The following NFIA variants were observed in gnomAD, a reference collection of about 807,000 sequenced individuals.
The protein encoded by NFIA is nuclear factor 1 A-type.
Under a neutral mutation model 62.8 loss-of-function variants are expected in NFIA, and 8 were observed. That is an observed-to-expected ratio of 0.13 (90% CI 0.07 to 0.23). NFIA has a LOEUF of 0.23. Ranked by LOEUF, NFIA falls within the 10% of genes least tolerant of loss-of-function variation. NFIA has a pLI of 1.00. For missense variants in NFIA, 410 were observed against 642.1 expected (o/e 0.64, Z 3.91); for synonymous variants, 235 against 238.1 (o/e 0.99, Z 0.12).
intron 2 of NFIA, among the ~76,000 whole-genome samples, chr1:61,201,948 T>TAA (rs370818020): frequency 2.0e-5 from 3 of 148,500 alleles, no homozygotes; most frequent in Admixed American, 6.7e-5. Flanking sequence ...AAGAAAATCT[T>TAA]AAAAAAAAAA....
intron 2 of NFIA, among the ~76,000 whole-genome samples, chr1:61,123,662 T>G (rs1646923935): frequency 6.6e-6 from 1 of 150,450 alleles, no homozygotes; most frequent in African/African-American, 2.4e-5. Flanking sequence ...AAAATAAAAT[T>G]AAATCTTTAT....
In NFIA at chr1:61,267,690, A is replaced by G. The variant is rs565478177; in HGVS notation, c.560-9830A>G. Among the ~76,000 whole-genome samples the G allele has an allele frequency of 2.1e-3, 321 of 152,320 alleles. 1 individual carries two copies. The highest frequency in any genetic ancestry group is 3.2e-3 in the Non-Finnish European group (217 of 68,026). On this transcript the variant is annotated intron_variant, in intron 2 of 10. Coordinates refer to ENST00000403491, the MANE Select transcript of NFIA (RefSeq NM_001134673.4). ...GGCTGCTGTAAATTGTTCCAAGGGT[A>G]CATTTAGTGGTATTGATTGCTGCTA... is the stretch of plus-strand genomic sequence containing the variant.
At chr1:61,403,993 C>A in intron 7 of NFIA, 111 bp from the exon 8 acceptor site, 1 of 1,238,764 alleles carries the variant, frequency 8.1e-7, no homozygotes, top group Non-Finnish European at 1.1e-6. Flanking sequence ...GTCACATGAG[C>A]AATATTGTGA....
At chr1:61,212,935 C>T (rs1043294336) in intron 2 of NFIA, among the ~76,000 whole-genome samples, 2 of 152,226 alleles carry the variant, frequency 1.3e-5, no homozygotes, top group African/African-American at 4.8e-5. Context: ...GTTGCCTTCA[C>T]ACTGTGGCCT....
At chr1:61,220,855 AGT>A (rs745677223) in intron 2 of NFIA, among the ~76,000 whole-genome samples, 4 of 152,220 alleles carry the variant, frequency 2.6e-5, no homozygotes, top group Non-Finnish European at 4.4e-5. Flanking sequence ...AGGTTTAAAA[AGT>A]GTTTTTATTT....
chr1:61,244,048 A>G (rs1404579092), intron 2 of NFIA, among the ~76,000 whole-genome samples: 1 of 152,186 alleles, frequency 6.6e-6, no homozygotes, highest in Non-Finnish European at 1.5e-5. Flanking sequence ...ACGTGTAATT[A>G]GTACATGGGG....
intron 2 of NFIA, among the ~76,000 whole-genome samples, chr1:61,261,217 G>A (rs1656753654): frequency 6.6e-6 from 1 of 152,070 alleles, no homozygotes; most frequent in East Asian, 1.9e-4. Context: ...CATTTTGAGG[G>A]GTTGTTAAGC....
At chr1:61,133,624 G>T (rs1446659357) in intron 2 of NFIA, among the ~76,000 whole-genome samples, 2 of 152,142 alleles carry the variant, frequency 1.3e-5, no homozygotes, top group African/African-American at 4.8e-5. Context: ...CTTGGAGTCT[G>T]GTTCCATCAC....
intron 2 of NFIA, among the ~76,000 whole-genome samples, chr1:61,182,988 A>G (rs1407387164): frequency 6.6e-6 from 1 of 152,216 alleles, no homozygotes; most frequent in African/African-American, 2.4e-5. Context: ...ATTTTTTTCA[A>G]GACCTGTTTT....
chr1:61,347,011 C>G (rs1662264063), intron 4 of NFIA, among the ~76,000 whole-genome samples: 2 of 152,068 alleles, frequency 1.3e-5, no homozygotes, highest in South Asian at 2.1e-4. Context: ...ATTCAGTTAT[C>G]TCCACCTGGT....
chr1:61,288,619 C>A (rs1431508942), intron 3 of NFIA, among the ~76,000 whole-genome samples: 2 of 152,098 alleles, frequency 1.3e-5, no homozygotes. Context: ...TAGTTTGGGT[C>A]CTCCAAGAAT....
intron 2 of NFIA, among the ~76,000 whole-genome samples, chr1:61,130,135 GAATGACTTACTCAGC>G (rs1395174822): frequency 6.6e-6 from 1 of 152,102 alleles, no homozygotes; most frequent in Non-Finnish European, 1.5e-5. Flanking sequence ...TATGCTTCCA[GAATGACTTACTCAGC>G]AATCACTTCT....
intron 2 of NFIA, among the ~76,000 whole-genome samples, chr1:61,212,842 C>T (rs905702490): frequency 2.0e-5 from 3 of 152,144 alleles, no homozygotes; most frequent in African/African-American, 7.2e-5. Context: ...TGTGGATAAT[C>T]GAAAGTAGAC....
chr1:61,325,410 T>C (rs941829607), intron 3 of NFIA, among the ~76,000 whole-genome samples: 20 of 152,218 alleles, frequency 1.3e-4, no homozygotes, highest in Non-Finnish European at 2.9e-5. Flanking sequence ...CAATATCACT[T>C]TTTCCATCAT....
intron 7 of NFIA, among the ~76,000 whole-genome samples, chr1:61,390,351 G>T (rs1341399332): frequency 6.6e-6 from 1 of 152,058 alleles, no homozygotes; most frequent in Non-Finnish European, 1.5e-5. Flanking sequence ...AATACACGAT[G>T]GGAGTTTAGA....
chr1:61,359,494 G>A (rs754546166), intron 6 of NFIA, among the ~76,000 whole-genome samples: 1 of 152,204 alleles, frequency 6.6e-6, no homozygotes, highest in Non-Finnish European at 1.5e-5. Flanking sequence ...GTGAGATGGT[G>A]TATGATTTTC....
chr1:61,183,616 C>T (rs977890264), intron 2 of NFIA, among the ~76,000 whole-genome samples: 3 of 152,198 alleles, frequency 2.0e-5, no homozygotes, highest in Non-Finnish European at 4.4e-5. Context: ...GCTCCTTTGG[C>T]CCCCACTGCA....
chr1:61,165,412 C>T (rs947103572), intron 2 of NFIA, among the ~76,000 whole-genome samples: 3 of 152,156 alleles, frequency 2.0e-5, no homozygotes, highest in Non-Finnish European at 4.4e-5. Context: ...AAAGTATATT[C>T]TATATGCATG....
chr1:61,137,968 T>C (rs1391269829), intron 2 of NFIA, among the ~76,000 whole-genome samples: 2 of 151,384 alleles, frequency 1.3e-5, no homozygotes, highest in Non-Finnish European at 2.9e-5. Flanking sequence ...TTTTTTTTTC[T>C]ATTGAAGGAG....
Sources: gnomAD v4.1 joint callset for allele counts (sites outside exome capture counted in the v4.1 genomes callset) on GRCh38, gnomAD v4.1.1 for gene constraint, MANE v1.5 for transcripts, NCBI Gene and HGNC (gene_info 2026-07-23, HGNC 2026-07-21) for gene names.